Variants in PSMD5 observed in about 807,000 individuals in gnomAD.
PSMD5 encodes proteasome 26S subunit, non-ATPase 5, also known as 26S proteasome non-ATPase regulatory subunit 5.
PSMD5 carries 40 observed loss-of-function variants against 52.1 expected under a neutral mutation model. The ratio of observed to expected loss-of-function variants is 0.77; its 90% CI spans 0.60 to 1.00. PSMD5 has a LOEUF of 1.00. Ranked by LOEUF, PSMD5 falls within the 50% of genes least tolerant of loss-of-function variation. The probability of loss-of-function intolerance (pLI) is 0.00; values close to 1 mark genes in which losing one functional copy is unlikely to be tolerated. For missense variants in PSMD5, 575 were observed against 605.2 expected (o/e 0.95, Z 0.52); for synonymous variants, 211 against 226.6 (o/e 0.93, Z 0.62).
intron 6 of PSMD5, 169 bp from the exon 7 acceptor site, chr9:120,824,854 C>A (rs956436777): frequency 1.1e-5 from 6 of 557,924 alleles, no homozygotes; most frequent in African/African-American, 7.6e-5. Flanking sequence ...TCTGAAGGAC[C>A]TGTGATGTGT....
At chr9:120,838,824 T>C (rs556555192) in intron 1 of PSMD5, among the ~76,000 whole-genome samples, 1 of 152,330 alleles carries the variant, frequency 6.6e-6, no homozygotes, top group African/African-American at 2.4e-5. Context: ...CTCTAAACTC[T>C]GTGAGTCTCA....
At chr9:120,824,715 T>G in intron 6 of PSMD5, 30 bp from the exon 7 acceptor site, 1 of 1,549,378 alleles carries the variant, frequency 6.5e-7, no homozygotes, top group Non-Finnish European at 8.7e-7. Flanking sequence ...TATATTTTAA[T>G]AGGGGAACAA....
At chr9:120,821,599 C>T (rs915988472) in intron 7 of PSMD5, 135 bp from the exon 8 acceptor site, 2 of 494,930 alleles carry the variant, frequency 4.0e-6, no homozygotes, top group African/African-American at 3.9e-5. Flanking sequence ...CCATCATAAC[C>T]ATCCATCTCT....
rs1479013907 is a variant in PSMD5 at position 120,833,548 on chromosome 9, C to A, written c.174-92G>T. On this transcript the variant is annotated intron_variant, in intron 1 of 9. Transcript: ENST00000210313. ...TAGCTGAAGCTTGCGTCAGCGTCTCCTCCACACAGACTTCTTTTTGAAACA... is the reference window on the plus strand; with the variant it reads ...TAGCTGAAGCTTGCGTCAGCGTCTCATCCACACAGACTTCTTTTTGAAACA... 3.8e-6 allele frequency: 5 copies of A among 1,325,478 alleles called. No individual in the cohort carries two copies. In the East Asian group the frequency reaches 1.2e-4, roughly 31 times the overall value. 82.1% of individuals were successfully genotyped at this position (1,325,478 alleles called of 1,614,324 possible). A position where few individuals can be genotyped will look rare whatever the true frequency, so the allele number is the denominator to read the frequency against.
In PSMD5 at chr9:120,818,072, T is replaced by G; in HGVS notation, c.1349A>C (p.Lys450Thr). The G allele has an allele frequency of 6.2e-7, 1 of 1,614,222 alleles. No individual in the cohort carries two copies. The highest frequency in any genetic ancestry group is 8.5e-7 in the Non-Finnish European group (1 of 1,180,030). Residue 450 changes from lysine (K) to threonine (T), a missense_variant, in exon 10 of 10, where the codon AAA becomes ACA. Physicochemically the swap from Lys to Thr is moderately conservative, Grantham distance 78 (BLOSUM62 -1). Coordinates refer to ENST00000210313, the MANE Select transcript of PSMD5 (RefSeq NM_005047.4). The stretch of plus-strand genomic sequence containing the variant: ...TTCATATTTGGCATCCTTTGAAGCT[T>G]TGTCATGCTCCACAGACCGGTCCAC... Reference protein sequence around the residue: ...YVVDRSVEHDKASKDAKYELV... With the variant: ...YVVDRSVEHDTASKDAKYELV...
Position 120,818,003 on chromosome 9 carries a change from A to G in PSMD5, c.1418T>C (p.Phe473Ser), listed in dbSNP as rs2045056856. 4.3e-6 allele frequency: 7 copies of G among 1,614,124 alleles called. No homozygotes were observed. The highest frequency in any genetic ancestry group is 1.3e-5 in the African/African-American group (1 of 74,936). ...GAGCCTCAAATAATTTGGGTTCCCA[A>G]AGATTTCTGCAATTGTCTTGGAATT... ...LANSKTIAEI[F>S]GNPNYLRLRT... Residue 473 changes from phenylalanine (F) to serine (S), a missense_variant, in exon 10 of 10, where the codon TTT becomes TCT. Physicochemically the swap from Phe to Ser is radical, Grantham distance 155. Coordinates refer to ENST00000210313, the MANE Select transcript of PSMD5 (RefSeq NM_005047.4).
chr9:120,819,761 G>A (rs1020168645), intron 9 of PSMD5, among the ~76,000 whole-genome samples: 3 of 152,132 alleles, frequency 2.0e-5, no homozygotes, highest in Non-Finnish European at 2.9e-5. Context: ...GCGTGAACCC[G>A]GGAGGTGGTG....
In PSMD5 at chr9:120,842,810, G is replaced by A. The variant is rs780601825; in HGVS notation, c.100C>T (p.Leu34Phe). 2.5e-6 allele frequency: 4 copies of A among 1,612,328 alleles called. No individual in the cohort carries two copies. In the South Asian group the frequency reaches 4.4e-5, roughly 18 times the overall value. The change falls in exon 1 of 10, where the codon CTC becomes TTC. Residue 34 changes from leucine to phenylalanine, a missense_variant. Coordinates refer to ENST00000210313, the MANE Select transcript of PSMD5 (RefSeq NM_005047.4). Reference protein sequence around the residue: ...ALHSVLQAVPLNELRQQAAEL... With the variant: ...ALHSVLQAVPFNELRQQAAEL... ...GCCGCTTGCTGGCGAAGCTCGTTGA[G>A]CGGCACTGCCTGCAGCACGGAGTGA...
rs750609981 is a variant in PSMD5, at chr9:120,831,468, G to A, written c.433-9C>T. On this transcript the variant is annotated splice_polypyrimidine_tract_variant and intron_variant, in intron 3 of 9. Transcript: ENST00000210313. Reference sequence around the variant, plus strand: ...GACAGGGATTTGATAGCCTTATAACGAAAGAAAATATCTCTTACATTCCCA... The same window carrying A: ...GACAGGGATTTGATAGCCTTATAACAAAAGAAAATATCTCTTACATTCCCA... 2.3e-5 allele frequency: 36 copies of A among 1,591,236 alleles called. No individual in the cohort carries two copies. In the East Asian group the frequency reaches 4.7e-4, roughly 21 times the overall value.
Position 120,831,479 on chromosome 9 carries a change from T to A in PSMD5, c.433-20A>T. On this transcript the variant is annotated intron_variant, in intron 3 of 9. Coordinates refer to ENST00000210313, the MANE Select transcript of PSMD5 (RefSeq NM_005047.4). ...GATAGCCTTATAACGAAAGAAAATA[T>A]CTCTTACATTCCCAAAATGCAGGTT... The A allele has an allele frequency of 6.3e-7, 1 of 1,581,744 alleles. No homozygotes were observed. Among genetic ancestry groups the A allele is most frequent in the Non-Finnish European group, 8.6e-7 (1 of 1,167,250 alleles).
intron 9 of PSMD5, among the ~76,000 whole-genome samples, 186 bp downstream of exon 9, chr9:120,820,653 A>G (rs747534662): frequency 4.6e-4 from 70 of 152,212 alleles, no homozygotes; most frequent in Non-Finnish European, 8.7e-4. Flanking sequence ...ACAGCACCTA[A>G]TATCTTTTAC....
intron 6 of PSMD5, 169 bp from the exon 7 acceptor site, chr9:120,824,854 C>T (rs956436777): frequency 1.1e-5 from 6 of 557,924 alleles, no homozygotes; most frequent in African/African-American, 1.9e-5. Context: ...TCTGAAGGAC[C>T]TGTGATGTGT....
chr9:120,836,094 C>T (rs568708013), intron 1 of PSMD5, among the ~76,000 whole-genome samples: 1 of 152,308 alleles, frequency 6.6e-6, no homozygotes, highest in Admixed American at 6.5e-5. Flanking sequence ...TAAAAGCATA[C>T]AACATTTATC....
At chr9:120,842,191 T>C (rs1211437952) in intron 1 of PSMD5, 2 of 155,276 alleles carry the variant, frequency 1.3e-5, no homozygotes, top group African/African-American at 4.8e-5. Flanking sequence ...TCGGGAAGGT[T>C]TGAAGCACTC....
Position 120,833,450 on chromosome 9 carries a change from CTT to C in PSMD5, c.178_179del (p.Lys60AspfsTer27). On this transcript the variant is annotated frameshift_variant, in exon 2 of 10. Transcript: ENST00000210313. LOFTEE classifies it high-confidence loss of function. ...CCAGAATGGATACACACAAAGTAGT[CTT>C]TTCCCTGAAGGAGACATCATAAATC... ...FSLLNENHRE[K>X]TTLCVSILER... 6.2e-7 allele frequency: 1 copy of C among 1,613,002 alleles called. No homozygotes were observed. The highest frequency in any genetic ancestry group is 8.5e-7 in the Non-Finnish European group (1 of 1,179,328).
intron 1 of PSMD5, chr9:120,842,382 A>C: frequency 3.8e-6 from 1 of 262,920 alleles, no homozygotes. Context: ...CCAGGATAGG[A>C]TCCTTTTAGA....
At position 120,831,306 on chromosome 9, in the gene PSMD5, T is replaced by C. The variant is rs116151055; in HGVS notation, c.561+25A>G. ...CAAACTGCATTCTGCTTTGTAAGCA[T>C]GAGAAAGTGTGCTTTTTATCTTACC... On this transcript the variant is annotated intron_variant, in intron 4 of 9. Coordinates refer to ENST00000210313, the MANE Select transcript of PSMD5 (RefSeq NM_005047.4). 3,051 of 1,561,992 alleles carry C rather than the reference T, an allele frequency of 2.0e-3. 58 individuals are homozygous for C. In the African/African-American group the frequency reaches 0.038, roughly 19 times the overall value.
intron 1 of PSMD5, among the ~76,000 whole-genome samples, chr9:120,833,672 CTTTTTTTTTTTT>C (rs71385094): frequency 7.0e-5 from 6 of 85,620 alleles, no homozygotes; most frequent in African/African-American, 1.9e-4. Flanking sequence ...CTCTAGTCTT[CTTTTTTTTTTTT>C]TTTTTTTTTT....
chr9:120,831,084 A>G (rs571516451), intron 4 of PSMD5, among the ~76,000 whole-genome samples: 13 of 151,976 alleles, frequency 8.6e-5, no homozygotes, highest in Non-Finnish European at 1.6e-4. Flanking sequence ...GGGTCTCACT[A>G]TGTTGCCCAG....
Sources: allele counts gnomAD v4.1 joint callset (sites outside exome capture counted in the v4.1 genomes callset), GRCh38; gene constraint gnomAD v4.1.1; transcripts MANE v1.5; gene names NCBI Gene and HGNC (gene_info 2026-07-23, HGNC 2026-07-21).